Variants in OLFM2 observed in about 807,000 individuals in gnomAD.
The protein encoded by OLFM2 is olfactomedin 2.
A neutral mutation model predicts 43.9 loss-of-function variants in OLFM2; 20 were observed. That is an observed-to-expected ratio of 0.46 (90% confidence interval 0.32 to 0.66). The LOEUF (loss-of-function observed/expected upper bound fraction) is 0.66. OLFM2 is among the 30% of genes least tolerant of loss of function. The pLI, the probability that OLFM2 is intolerant of heterozygous loss-of-function variation, is 0.04. For synonymous variants in OLFM2, 268 were observed against 278.6 expected, an observed-to-expected ratio of 0.96 and a Z score of 0.38; for missense variants, 416 against 643.6, an observed-to-expected ratio of 0.65 and a Z score of 3.83.
chr19:9,911,621 C>A (rs1283667800), intron 1 of OLFM2, among the ~76,000 whole-genome samples: 1 of 152,150 alleles, frequency 6.6e-6, no homozygotes, highest in Non-Finnish European at 1.5e-5. Flanking sequence ...CATACCTGTC[C>A]ACACATATGC....
intron 1 of OLFM2, among the ~76,000 whole-genome samples, chr19:9,926,605 T>C (rs1246095704): frequency 6.6e-6 from 1 of 151,992 alleles, no homozygotes; most frequent in African/African-American, 2.4e-5. Context: ...TTATATTATG[T>C]GTATTTTACC....
intron 1 of OLFM2, among the ~76,000 whole-genome samples, chr19:9,926,475 C>G (rs938612974): frequency 3.9e-5 from 6 of 152,052 alleles, no homozygotes; most frequent in African/African-American, 1.2e-4. Flanking sequence ...TCGCTTGAAT[C>G]TGGGAGGCGG....
chr19:9,897,127 A>G (rs952094736), intron 1 of OLFM2, among the ~76,000 whole-genome samples: 3 of 152,052 alleles, frequency 2.0e-5, no homozygotes, highest in Admixed American at 6.6e-5. Flanking sequence ...TCAGGAGTTC[A>G]AGACCAGCCT....
chr19:9,901,877 C>T (rs1271310832), intron 1 of OLFM2, among the ~76,000 whole-genome samples: 2 of 152,176 alleles, frequency 1.3e-5, no homozygotes, highest in Non-Finnish European at 2.9e-5. Context: ...CGCCATTGTG[C>T]ATTAGAGGAT....
chr19:9,867,455 C>A (rs1482116045), intron 1 of OLFM2, among the ~76,000 whole-genome samples: 1 of 152,016 alleles, frequency 6.6e-6, no homozygotes, highest in African/African-American at 2.4e-5. Flanking sequence ...GTCCTGGGGA[C>A]AGGAGAAGCA....
intron 1 of OLFM2, among the ~76,000 whole-genome samples, chr19:9,922,758 A>T (rs527933973): frequency 6.6e-6 from 1 of 151,596 alleles, no homozygotes; most frequent in Admixed American, 6.6e-5. Context: ...TCTCTACAAA[A>T]AAATTCGCCA....
At position 9,891,616 on chromosome 19, in the gene OLFM2, C is replaced by CA. The variant is rs1373918070; in HGVS notation, c.64-30823dup. Reference sequence around the variant, plus strand: ...CTGGCAACAGAGCAAGACTCCATCTCAAAAAAAAAAAAAAAAGTGCATGTT... The same window carrying CA: ...CTGGCAACAGAGCAAGACTCCATCTCAAAAAAAAAAAAAAAAAGTGCATGTT... On this transcript the variant is annotated intron_variant, in intron 1 of 5. Transcript: ENST00000264833. 4.6e-3 allele frequency among the ~76,000 whole-genome samples: 496 copies of CA among 107,466 alleles called. 1 individual carries two copies. Among genetic ancestry groups the CA allele is most frequent in the South Asian group, 0.022 (76 of 3,488 alleles). The allele number at this position is 107,466 out of a possible 152,430, so 70.5% of individuals were successfully genotyped here.
intron 1 of OLFM2, 143 bp from the exon 2 acceptor site, chr19:9,860,937 C>T: frequency 1.2e-6 from 1 of 821,468 alleles, no homozygotes; most frequent in Non-Finnish European, 1.8e-6. Context: ...TGTGTGATCT[C>T]AGGCCCTCCT....
intron 1 of OLFM2, among the ~76,000 whole-genome samples, chr19:9,886,841 C>G (rs186476799): frequency 1.3e-5 from 2 of 152,030 alleles, no homozygotes; most frequent in African/African-American, 2.4e-5. Context: ...TGTGCCACCA[C>G]GCCTGGCTAA....
intron 1 of OLFM2, among the ~76,000 whole-genome samples, chr19:9,934,002 T>A (rs1384261189): frequency 1.3e-5 from 2 of 152,046 alleles, no homozygotes. Flanking sequence ...GAGCAGGGAT[T>A]TGATGACTCA....
chr19:9,926,446 G>C (rs1045659111), intron 1 of OLFM2, among the ~76,000 whole-genome samples: 1 of 151,992 alleles, frequency 6.6e-6, no homozygotes, highest in African/African-American at 2.4e-5. Flanking sequence ...CAGCTATTCC[G>C]GAGGCTGAGA....
intron 1 of OLFM2, among the ~76,000 whole-genome samples, chr19:9,916,316 C>T (rs2046876147): frequency 6.6e-6 from 1 of 152,244 alleles, no homozygotes; most frequent in East Asian, 1.9e-4. Flanking sequence ...AAGATCGAGC[C>T]ACTGCACTCC....
At chr19:9,905,794 A>G (rs6511244) in intron 1 of OLFM2, among the ~76,000 whole-genome samples, 98,349 of 151,980 alleles carry the variant, frequency 0.65, 32,252 homozygotes, top group African/African-American at 0.73. Flanking sequence ...CTTGAGAAGA[A>G]AAGCTTTACC....
intron 1 of OLFM2, chr19:9,913,522 G>T: frequency 8.4e-7 from 1 of 1,190,572 alleles, no homozygotes; most frequent in South Asian, 3.0e-5. Context: ...CGGTGCCGTT[G>T]AGCCCCACGA....
chr19:9,895,030 T>C (rs994694561), intron 1 of OLFM2, among the ~76,000 whole-genome samples: 1 of 151,870 alleles, frequency 6.6e-6, no homozygotes, highest in African/African-American at 2.4e-5. Context: ...ACCATCTCCA[T>C]CCTCCCCACC....
intron 1 of OLFM2, among the ~76,000 whole-genome samples, chr19:9,919,789 A>ATTT (rs750249042): frequency 2.6e-4 from 24 of 90,572 alleles, no homozygotes; most frequent in Non-Finnish European, 3.0e-4. Flanking sequence ...GACCACTGCC[A>ATTT]TTTTTTTTTT....
intron 1 of OLFM2, among the ~76,000 whole-genome samples, chr19:9,873,586 C>A (rs563192248): frequency 6.6e-6 from 1 of 152,212 alleles, no homozygotes; most frequent in African/African-American, 2.4e-5. Context: ...TCCGGAGTAG[C>A]TGAGACCACA....
intron 1 of OLFM2, among the ~76,000 whole-genome samples, chr19:9,878,658 CAG>C (rs1261807765): frequency 5.9e-5 from 9 of 152,140 alleles, no homozygotes; most frequent in Non-Finnish European, 1.0e-4. Context: ...AGCCCTGGTT[CAG>C]AGAGAGTGCT....
chr19:9,929,995 C>T (rs565793895), intron 1 of OLFM2, among the ~76,000 whole-genome samples: 27 of 152,124 alleles, frequency 1.8e-4, no homozygotes, highest in African/African-American at 5.5e-4. Context: ...GCCGAGATCG[C>T]GCCACTGACC....
Sources: gnomAD v4.1 joint callset for allele counts (sites outside exome capture counted in the v4.1 genomes callset) on GRCh38, gnomAD v4.1.1 for gene constraint, MANE v1.5 for transcripts, NCBI Gene and HGNC (gene_info 2026-07-23, HGNC 2026-07-21) for gene names.